Variants in PDE11A observed in about 807,000 individuals in gnomAD.
PDE11A encodes the protein dual 3',5'-cyclic-AMP and -GMP phosphodiesterase 11A.
Under a neutral mutation model 100.5 loss-of-function variants are expected in PDE11A, and 100 were observed. The observed-to-expected ratio is 1.00, with a 90% CI of 0.85 to 1.18. The LOEUF (loss-of-function observed/expected upper bound fraction) is 1.18. PDE11A is among the 50% of genes most tolerant of loss of function. The probability of loss-of-function intolerance (pLI) is 0.00; values close to 1 mark genes in which losing one functional copy is unlikely to be tolerated. For synonymous variants in PDE11A, 381 were observed against 420.8 expected, an observed-to-expected ratio of 0.91 and a Z score of 1.16; for missense variants, 1,141 against 1,152.6, an observed-to-expected ratio of 0.99 and a Z score of 0.15.
intron 5 of PDE11A, among the ~76,000 whole-genome samples, chr2:177,863,379 C>T (rs1228170581): frequency 6.6e-6 from 1 of 151,898 alleles, no homozygotes; most frequent in Non-Finnish European, 1.5e-5. Context: ...AAACAACCAA[C>T]AAAATGAAAT....
chr2:177,635,468 A>C (rs966333729), intron 19 of PDE11A, among the ~76,000 whole-genome samples: 2 of 152,264 alleles, frequency 1.3e-5, no homozygotes, highest in Middle Eastern at 3.4e-3. Flanking sequence ...CTGGTCATCT[A>C]GGTGGCCAAG....
rs1032410513 is a variant in PDE11A, at chr2:177,864,605, C to T, written c.1367+11254G>A. Among the ~76,000 whole-genome samples the T allele has an allele frequency of 1.2e-4, 18 of 151,990 alleles. No homozygotes were observed. The East Asian group carries it at 1.9e-3, about 16-fold the overall frequency. On this transcript the variant is annotated intron_variant, in intron 5 of 19. Coordinates refer to ENST00000286063, the MANE Select transcript of PDE11A (RefSeq NM_016953.4). ...TCAAAGAAAATAAAATTACATAATA[C>T]GTGAAAAACAAAGAGACAAATTGCC...
At chr2:177,664,780 TG>T (rs1207457148) in intron 18 of PDE11A, among the ~76,000 whole-genome samples, 33 of 152,312 alleles carry the variant, frequency 2.2e-4, no homozygotes, top group African/African-American at 6.0e-4. Context: ...TCTAGAAGAC[TG>T]GGCTATCTAG....
At chr2:178,095,331 G>A (rs1408151702) in intron 2 of PDE11A, among the ~76,000 whole-genome samples, 2 of 152,182 alleles carry the variant, frequency 1.3e-5, no homozygotes, top group East Asian at 1.9e-4. Context: ...GTGCAAGTCC[G>A]AAATCCAGCA....
chr2:177,635,554 C>T (rs755265167), intron 19 of PDE11A, among the ~76,000 whole-genome samples: 50 of 152,084 alleles, frequency 3.3e-4, no homozygotes, highest in Non-Finnish European at 6.3e-4. Context: ...CAGTTTATTC[C>T]GTATTTTATT....
intron 2 of PDE11A, among the ~76,000 whole-genome samples, chr2:177,927,401 T>C (rs17401671): frequency 0.087 from 13,174 of 152,244 alleles, 543 homozygotes; most frequent in South Asian, 0.1. Flanking sequence ...CCGATTTTGT[T>C]CTATGGAAAT....
At chr2:178,093,794 C>T (rs2087452678) in intron 2 of PDE11A, among the ~76,000 whole-genome samples, 2 of 152,134 alleles carry the variant, frequency 1.3e-5, no homozygotes, top group African/African-American at 4.8e-5. Context: ...CAGTTTTACA[C>T]CATGGAGGAC....
In PDE11A at chr2:177,935,694, G is replaced by C. The variant is rs1389629711; in HGVS notation, c.1072-30507C>G. Among the ~76,000 whole-genome samples, 3 of 152,290 alleles carry C rather than the reference G, an allele frequency of 2.0e-5. No homozygotes were observed. The East Asian group carries it at 5.8e-4, about 29-fold the overall frequency. ...AGAGGCAGATCTGTTGGGGCAGGAT[G>C]CTCAGGGGCATGCCATGGAAGGAGC... On this transcript the variant is annotated intron_variant, in intron 2 of 19. Coordinates refer to ENST00000286063, the MANE Select transcript of PDE11A (RefSeq NM_016953.4).
At chr2:177,910,408 C>G (rs187755279) in intron 2 of PDE11A, among the ~76,000 whole-genome samples, 6 of 103,722 alleles carry the variant, frequency 5.8e-5, no homozygotes, top group Admixed American at 4.1e-4. Flanking sequence ...GTCTCTCTCT[C>G]TCTGTCTCTC....
intron 2 of PDE11A, among the ~76,000 whole-genome samples, chr2:177,967,118 AG>A (rs1477552851): frequency 6.8e-6 from 1 of 147,976 alleles, no homozygotes; most frequent in Admixed American, 6.7e-5. Flanking sequence ...CTAGGTTTCT[AG>A]TTTGTGTGCC....
intron 5 of PDE11A, among the ~76,000 whole-genome samples, chr2:177,847,840 C>A (rs963794770): frequency 3.9e-5 from 6 of 152,112 alleles, no homozygotes; most frequent in East Asian, 3.9e-4. Flanking sequence ...TTGCCTTTGC[C>A]CATACCCCTC....
intron 2 of PDE11A, among the ~76,000 whole-genome samples, chr2:177,936,692 G>A (rs2085277704): frequency 6.6e-6 from 1 of 152,196 alleles, no homozygotes; most frequent in African/African-American, 2.4e-5. Flanking sequence ...AGGCCGAAGT[G>A]TGTGGATCAC....
At chr2:177,737,449 A>ACACACACACACACACACACACACAC (rs55844103) in intron 10 of PDE11A, among the ~76,000 whole-genome samples, 2 of 148,044 alleles carry the variant, frequency 1.4e-5, no homozygotes, top group African/African-American at 2.5e-5. Context: ...ACACACACAC[A>ACACACACACACACACACACACACAC]AATTAGCCAG....
rs555465074 is a variant in PDE11A, at chr2:178,079,329, C to T, written c.162+24973G>A. ...ATGGGCCCTAGTGTATGTTGTTCCC[C>T]ACCTCCCCATGTCCATGTGTTCTCA... On this transcript the variant is annotated intron_variant, in intron 2 of 20. Coordinates refer to the PDE11A transcript ENST00000358450. 3.9e-5 allele frequency among the ~76,000 whole-genome samples: 6 copies of T among 152,096 alleles called. 1 individual carries two copies. In the South Asian group the frequency reaches 1.2e-3, roughly 32 times the overall value.
At chr2:177,755,368 G>T (rs1001972927) in intron 10 of PDE11A, among the ~76,000 whole-genome samples, 2 of 152,162 alleles carry the variant, frequency 1.3e-5, no homozygotes, top group Non-Finnish European at 2.9e-5. Flanking sequence ...TCACTTGTGG[G>T]TGTCACCCAG....
At chr2:177,747,187 T>C (rs763986739) in intron 10 of PDE11A, among the ~76,000 whole-genome samples, 1 of 152,196 alleles carries the variant, frequency 6.6e-6, no homozygotes, top group Non-Finnish European at 1.5e-5. Context: ...TTCTCACTAG[T>C]AGAGAAGAAA....
intron 19 of PDE11A, among the ~76,000 whole-genome samples, chr2:177,662,658 A>T (rs1312608440): frequency 1.3e-5 from 2 of 152,234 alleles, no homozygotes; most frequent in Non-Finnish European, 2.9e-5. Flanking sequence ...CCAATCTTCC[A>T]TTATTAAATA....
At chr2:177,666,669 A>C (rs1166271070) in intron 18 of PDE11A, among the ~76,000 whole-genome samples, 1 of 152,026 alleles carries the variant, frequency 6.6e-6, no homozygotes, top group African/African-American at 2.4e-5. Context: ...GCATCTTTTC[A>C]TGTGCTTTGT....
chr2:177,628,653 A>G lies in PDE11A; in HGVS notation c.*754T>C, dbSNP rs1454575296. 1.3e-5 allele frequency: 2 copies of G among 152,328 alleles called. No homozygotes were observed. The highest frequency in any genetic ancestry group is 2.9e-5 in the Non-Finnish European group (2 of 68,198). 9.4% of individuals were successfully genotyped at this position (152,328 alleles called of 1,614,324 possible). ...TAAATCCAGCTACAGATTTCCTTCC[A>G]CCCTTACTTTAATCAAAATCTATCA... On this transcript the variant is annotated 3_prime_UTR_variant, in exon 20 of 20. Transcript: ENST00000286063.
Sources: allele counts gnomAD v4.1 joint callset (sites outside exome capture counted in the v4.1 genomes callset), GRCh38; gene constraint gnomAD v4.1.1; transcripts MANE v1.5; gene names NCBI Gene and HGNC (gene_info 2026-07-23, HGNC 2026-07-21).